DCBLD2: variants seen among roughly 807,000 people sequenced by gnomAD.
The protein encoded by DCBLD2 is discoidin, CUB and LCCL domain-containing protein 2.
Under a neutral mutation model 86.8 loss-of-function variants are expected in DCBLD2, and 54 were observed. The observed-to-expected ratio is 0.62, with a 90% CI of 0.50 to 0.78. The LOEUF (loss-of-function observed/expected upper bound fraction) is 0.78. Ranked by LOEUF, DCBLD2 falls within the 30% of genes least tolerant of loss-of-function variation. The pLI, the probability that DCBLD2 is intolerant of heterozygous loss-of-function variation, is 0.00. For synonymous variants in DCBLD2, 354 were observed against 341.3 expected, an observed-to-expected ratio of 1.04 and a Z score of -0.41; for missense variants, 908 against 954.2, an observed-to-expected ratio of 0.95 and a Z score of 0.64.
chr3:98,864,138 T>G (rs1372010562), intron 2 of DCBLD2, among the ~76,000 whole-genome samples: 7 of 152,098 alleles, frequency 4.6e-5, no homozygotes, highest in Admixed American at 4.6e-4. Context: ...GAAATGCAAA[T>G]CAAAACCACA....
At chr3:98,864,663 T>C (rs965417547) in intron 2 of DCBLD2, among the ~76,000 whole-genome samples, 3 of 152,028 alleles carry the variant, frequency 2.0e-5, no homozygotes, top group African/African-American at 7.3e-5. Context: ...ATGAGAACAC[T>C]TGGACACAGG....
intron 1 of DCBLD2, among the ~76,000 whole-genome samples, 164 bp from the exon 2 acceptor site, chr3:98,881,931 T>G (rs189280320): frequency 6.6e-6 from 1 of 152,182 alleles, no homozygotes; most frequent in Non-Finnish European, 1.5e-5. Context: ...TACATACTCA[T>G]GGGGTTCACA....
chr3:98,868,722 A>C (rs1391734877), intron 2 of DCBLD2, among the ~76,000 whole-genome samples: 2 of 152,042 alleles, frequency 1.3e-5, no homozygotes, highest in East Asian at 3.9e-4. Context: ...TCTGTTCCTG[A>C]GTTACTTTAC....
At chr3:98,818,404 C>T (rs761108960) in intron 8 of DCBLD2, among the ~76,000 whole-genome samples, 2 of 151,824 alleles carry the variant, frequency 1.3e-5, no homozygotes, top group African/African-American at 4.8e-5. Flanking sequence ...TGTAGGAGAC[C>T]GTTATTTTAG....
At chr3:98,839,183 C>CTTT (rs1559781619) in intron 3 of DCBLD2, among the ~76,000 whole-genome samples, 19 of 51,960 alleles carry the variant, frequency 3.7e-4, no homozygotes, top group African/African-American at 1.8e-3. Context: ...TTTCTTTCTT[C>CTTT]CTTCCTTCCT....
rs1243800489 is a variant in DCBLD2, at chr3:98,799,416, C to G, written c.2284G>C (p.Ala762Pro). Residue 762 changes from alanine (A) to proline (P), a missense_variant, in exon 16 of 16, where the codon GCA becomes CCA. Physicochemically the swap from Ala to Pro is conservative, Grantham distance 27. Coordinates refer to ENST00000326840, the MANE Select transcript of DCBLD2 (RefSeq NM_080927.4). ...VPQSTQEVSG[A>P]GRDGECDVFK... is the part of the protein sequence containing the mutation. ...ACATCACATTCCCCATCCCTTCCTG[C>G]TCCTGATACTTCTTGTGTGCTCTGT... is the stretch of plus-strand genomic sequence containing the variant. 4.3e-6 allele frequency: 7 copies of G among 1,613,860 alleles called. No individual in the cohort carries two copies. The highest frequency in any genetic ancestry group is 5.1e-6 in the Non-Finnish European group (6 of 1,179,788).
intron 6 of DCBLD2, chr3:98,821,217 T>C (rs1942114397): frequency 1.3e-5 from 2 of 152,224 alleles, no homozygotes; most frequent in African/African-American, 2.4e-5. Flanking sequence ...TGGATATGGA[T>C]GATGCTTGTG....
chr3:98,849,737 AT>A, intron 2 of DCBLD2, 139 bp from the exon 3 acceptor site: 1 of 946,076 alleles, frequency 1.1e-6, no homozygotes, highest in Non-Finnish European at 1.5e-6. Context: ...ATGTTTAATG[AT>A]TACCAATCAT....
chr3:98,838,814 G>A (rs1349166122), intron 3 of DCBLD2, among the ~76,000 whole-genome samples: 11 of 152,258 alleles, frequency 7.2e-5, no homozygotes, highest in Non-Finnish European at 1.2e-4. Flanking sequence ...GGAGGCTGAG[G>A]TTGGCGGATC....
intron 2 of DCBLD2, among the ~76,000 whole-genome samples, chr3:98,874,615 C>T (rs1185636234): frequency 6.6e-6 from 1 of 152,160 alleles, no homozygotes; most frequent in East Asian, 1.9e-4. Flanking sequence ...AAATTAATTG[C>T]TGTTGAAGTC....
intron 3 of DCBLD2, among the ~76,000 whole-genome samples, chr3:98,834,706 T>TA: frequency 1.3e-5 from 2 of 151,800 alleles, no homozygotes; most frequent in Admixed American, 1.3e-4. Flanking sequence ...CATTGATGGA[T>TA]ACTTAGATTG....
chr3:98,874,182 C>T (rs1943325804), intron 2 of DCBLD2, among the ~76,000 whole-genome samples: 1 of 152,132 alleles, frequency 6.6e-6, no homozygotes, highest in Non-Finnish European at 1.5e-5. Context: ...TTCAAATTCT[C>T]TGTAAATTTT....
chr3:98,901,301 G>A lies in DCBLD2; in HGVS notation c.26C>T (p.Ala9Val). ...TTGGGGACACTGCGGGCAGCGCCTG[G>A]CTCTCACCACCGCCCGGCTCGCCAT... MASRAVVRARRCPQCPQVR... is the reference protein window; with the variant it reads MASRAVVRVRRCPQCPQVR... Residue 9 changes from alanine (A) to valine (V), a missense_variant, in exon 1 of 16, where the codon GCC becomes GTC. Coordinates refer to ENST00000326840, the MANE Select transcript of DCBLD2 (RefSeq NM_080927.4). The A allele has an allele frequency of 6.7e-7, 1 of 1,484,170 alleles. No individual in the cohort carries two copies. The highest frequency in any genetic ancestry group is 8.9e-7 in the Non-Finnish European group (1 of 1,125,932). The allele number at this position is 1,484,170 out of a possible 1,614,324, so 91.9% of individuals were successfully genotyped here.
At chr3:98,812,916 T>G (rs1941961966) in intron 9 of DCBLD2, 1 of 153,064 alleles carries the variant, frequency 6.5e-6, no homozygotes, top group South Asian at 2.1e-4. Flanking sequence ...GCTTGTGTAC[T>G]TTTCATAATT....
At chr3:98,877,195 C>T (rs1193233119) in intron 2 of DCBLD2, among the ~76,000 whole-genome samples, 2 of 152,012 alleles carry the variant, frequency 1.3e-5, no homozygotes, top group African/African-American at 2.4e-5. Context: ...AAAGAAAAAA[C>T]CTATAATGGA....
intron 2 of DCBLD2, among the ~76,000 whole-genome samples, chr3:98,863,329 C>T (rs1286472860): frequency 2.6e-5 from 4 of 152,132 alleles, no homozygotes; most frequent in Non-Finnish European, 5.9e-5. Flanking sequence ...CATCAAGCTA[C>T]CAATGACTTT....
intron 2 of DCBLD2, among the ~76,000 whole-genome samples, chr3:98,859,902 G>C (rs1943008991): frequency 6.6e-6 from 1 of 152,204 alleles, no homozygotes; most frequent in Non-Finnish European, 1.5e-5. Context: ...GAGAGAAGAA[G>C]GCTTCAGACC....
At chr3:98,864,882 A>G (rs1044083226) in intron 2 of DCBLD2, among the ~76,000 whole-genome samples, 2 of 151,942 alleles carry the variant, frequency 1.3e-5, no homozygotes, top group African/African-American at 4.8e-5. Flanking sequence ...CTGCACCGTT[A>G]AACACCAAGG....
At chr3:98,801,905 A>G (rs949671756) in intron 13 of DCBLD2, 8 of 365,806 alleles carry the variant, frequency 2.2e-5, no homozygotes, top group Non-Finnish European at 1.5e-5. Flanking sequence ...TTATGGCTGC[A>G]TAGTATTCCA....
Sources: allele counts gnomAD v4.1 joint callset (sites outside exome capture counted in the v4.1 genomes callset), GRCh38; gene constraint gnomAD v4.1.1; transcripts MANE v1.5; gene names NCBI Gene and HGNC (gene_info 2026-07-23, HGNC 2026-07-21).